VDAC1: variants seen among roughly 807,000 people sequenced by gnomAD.
The protein encoded by VDAC1 is non-selective voltage-gated ion channel VDAC1.
In VDAC1, 10 loss-of-function variants were observed where a neutral mutation model predicts 34.7. The ratio of observed to expected loss-of-function variants is 0.29; its 90% CI spans 0.18 to 0.49. The LOEUF (loss-of-function observed/expected upper bound fraction) is 0.49, where lower values mean the gene tolerates loss of function less well. Among genes scored for constraint, VDAC1 ranks in the 20% least tolerant of loss-of-function variants. The pLI is 0.99. For synonymous variants in VDAC1, 130 were observed against 136.0 expected (o/e 0.96, Z 0.30); for missense variants, 230 against 347.9 (o/e 0.66, Z 2.69).
At chr5:134,056,499 G>C in the VDAC1 span, among the ~76,000 whole-genome samples, 1 of 149,420 alleles carries the variant, frequency 6.7e-6, no homozygotes, top group South Asian at 2.1e-4. Context: ...GAGTACAGTG[G>C]TGCGATCATG....
chr5:133,998,721 C>A (rs571221235), intron 1 of VDAC1, among the ~76,000 whole-genome samples: 2 of 152,358 alleles, frequency 1.3e-5, no homozygotes, highest in South Asian at 4.1e-4. Flanking sequence ...TCCGTCGGGG[C>A]ACATTTCACT....
chr5:134,008,407 G>C (rs1241038392), upstream of VDAC1, among the ~76,000 whole-genome samples: 1 of 152,164 alleles, frequency 6.6e-6, no homozygotes, highest in Non-Finnish European at 1.5e-5. Flanking sequence ...CATTCAAGAA[G>C]AACAATGTAA....
the VDAC1 span, among the ~76,000 whole-genome samples, chr5:134,091,002 A>C: frequency 6.6e-6 from 1 of 152,224 alleles, no homozygotes; most frequent in Non-Finnish European, 1.5e-5. Context: ...AGAAAAGTCC[A>C]GAACAGAGAG....
the VDAC1 span, among the ~76,000 whole-genome samples, chr5:134,040,781 T>A: frequency 6.6e-6 from 1 of 152,128 alleles, no homozygotes; most frequent in South Asian, 2.1e-4. Flanking sequence ...CTCCAAAACA[T>A]CCTTTGAAGA....
At chr5:133,976,737 A>C (rs1752497754) in intron 6 of VDAC1, among the ~76,000 whole-genome samples, 1 of 151,968 alleles carries the variant, frequency 6.6e-6, no homozygotes, top group African/African-American at 2.4e-5. Context: ...TTTATAAACG[A>C]TTCTACCAGA....
the VDAC1 span, among the ~76,000 whole-genome samples, chr5:134,070,926 A>C: frequency 6.6e-6 from 1 of 152,148 alleles, no homozygotes; most frequent in Non-Finnish European, 1.5e-5. Context: ...AACTTGTACA[A>C]ATTTATTGCC....
At chr5:134,014,878 T>C in the VDAC1 span, among the ~76,000 whole-genome samples, 2 of 151,836 alleles carry the variant, frequency 1.3e-5, no homozygotes, top group African/African-American at 4.8e-5. Context: ...AAAAAGAAAA[T>C]AAATCATTCT....
chr5:133,973,686 C>T, intron 8 of VDAC1, 105 bp downstream of exon 8: 3 of 974,872 alleles, frequency 3.1e-6, no homozygotes, highest in South Asian at 1.5e-5. Flanking sequence ...TTATATATAC[C>T]CACTGTATTA....
the VDAC1 span, among the ~76,000 whole-genome samples, chr5:134,043,908 C>A: frequency 5.9e-5 from 9 of 152,282 alleles, no homozygotes; most frequent in East Asian, 1.7e-3. Context: ...AAATGGAGCA[C>A]TTGACTTCCA....
upstream of VDAC1, among the ~76,000 whole-genome samples, chr5:134,007,251 AAAAAAAG>A (rs1288510442): frequency 6.9e-4 from 85 of 122,402 alleles, no homozygotes; most frequent in Middle Eastern, 4.2e-3. Flanking sequence ...CCAAAAAAAA[AAAAAAAG>A]AAAAAAGAGT....
intron 7 of VDAC1, among the ~76,000 whole-genome samples, chr5:133,975,029 G>A (rs187730211): frequency 6.1e-4 from 93 of 152,218 alleles, no homozygotes; most frequent in African/African-American, 2.1e-3. Flanking sequence ...ACATTTGGGA[G>A]GTTGAGGTGG....
At chr5:134,012,253 T>C in the VDAC1 span, among the ~76,000 whole-genome samples, 2 of 152,158 alleles carry the variant, frequency 1.3e-5, no homozygotes, top group Non-Finnish European at 2.9e-5. Flanking sequence ...CCAGAGAGAC[T>C]GATTTCAGAC....
intron 5 of VDAC1, among the ~76,000 whole-genome samples, chr5:133,988,230 G>A (rs755632028): frequency 2.0e-5 from 3 of 152,084 alleles, no homozygotes; most frequent in Non-Finnish European, 4.4e-5. Flanking sequence ...GGAGAACTCT[G>A]CATACTATTT....
intron 5 of VDAC1, among the ~76,000 whole-genome samples, chr5:133,988,489 G>A (rs915455641): frequency 6.6e-6 from 1 of 152,028 alleles, no homozygotes; most frequent in Admixed American, 6.6e-5. Context: ...GGGAGGCTGA[G>A]GCAGGAGAAA....
chr5:134,075,786 C>T, the VDAC1 span, among the ~76,000 whole-genome samples: 5 of 152,070 alleles, frequency 3.3e-5, no homozygotes, highest in Admixed American at 2.0e-4. Flanking sequence ...GGGGTTTCAC[C>T]ATGTTAGCCA....
chr5:133,998,353 ATTTG>A (rs1208167326), intron 1 of VDAC1, among the ~76,000 whole-genome samples: 1 of 151,916 alleles, frequency 6.6e-6, no homozygotes, highest in African/African-American at 2.4e-5. Flanking sequence ...TATACTAATA[ATTTG>A]TTTAAGGATA....
intron 3 of VDAC1, 72 bp from the exon 4 acceptor site, chr5:133,991,226 A>G (rs1753091837): frequency 1.9e-6 from 3 of 1,581,684 alleles, no homozygotes; most frequent in Non-Finnish European, 2.6e-6. Flanking sequence ...CCTAAACACT[A>G]TACTTGCCTT....
the VDAC1 span, among the ~76,000 whole-genome samples, chr5:134,074,896 C>G: frequency 6.6e-6 from 1 of 152,152 alleles, no homozygotes; most frequent in Admixed American, 6.5e-5. Context: ...AAAACCTAGA[C>G]AGAGCAAATG....
chr5:133,980,705 C>A, intron 6 of VDAC1, 24 bp downstream of exon 6: 3 of 1,117,086 alleles, frequency 2.7e-6, no homozygotes, highest in East Asian at 2.5e-5. Context: ...CCCCTCCCAC[C>A]CTGCTGCCCC....
Sources: gnomAD v4.1 joint callset for allele counts (sites outside exome capture counted in the v4.1 genomes callset) on GRCh38, gnomAD v4.1.1 for gene constraint, MANE v1.5 for transcripts, NCBI Gene and HGNC (gene_info 2026-07-23, HGNC 2026-07-21) for gene names.